TTC27: variants seen among roughly 807,000 people sequenced by gnomAD.
TTC27 encodes the protein tetratricopeptide repeat domain 27.
In TTC27, 79 loss-of-function variants were observed where a neutral mutation model predicts 115.9. The ratio of observed to expected loss-of-function variants is 0.68; its 90% CI spans 0.57 to 0.82. The LOEUF (loss-of-function observed/expected upper bound fraction) is 0.82, where lower values mean the gene tolerates loss of function less well. Among genes scored for constraint, TTC27 ranks in the 40% least tolerant of loss-of-function variants. The pLI, the probability that TTC27 is intolerant of heterozygous loss-of-function variation, is 0.00. For synonymous variants in TTC27, 401 were observed against 356.0 expected, an observed-to-expected ratio of 1.13 and a Z score of -1.42; for missense variants, 1,054 against 993.1, an observed-to-expected ratio of 1.06 and a Z score of -0.82.
intron 16 of TTC27, among the ~76,000 whole-genome samples, chr2:32,794,396 A>T (rs550612280): frequency 1.3e-5 from 2 of 152,336 alleles, no homozygotes; most frequent in African/African-American, 4.8e-5. Flanking sequence ...ATACTTAGAG[A>T]TGAATGAAAA....
intron 6 of TTC27, among the ~76,000 whole-genome samples, chr2:32,665,813 C>T (rs1166948780): frequency 3.9e-5 from 6 of 152,128 alleles, no homozygotes; most frequent in Non-Finnish European, 8.8e-5. Context: ...TTTGCTTGAA[C>T]CAGGGAGTCG....
chr2:32,809,736 A>T (rs1283245525), intron 16 of TTC27, among the ~76,000 whole-genome samples: 1 of 152,136 alleles, frequency 6.6e-6, no homozygotes, highest in Admixed American at 6.5e-5. Context: ...TTATAATATA[A>T]CCTGGTGCAG....
chr2:32,724,328 T>C (rs775498556), intron 10 of TTC27, among the ~76,000 whole-genome samples: 2 of 152,088 alleles, frequency 1.3e-5, no homozygotes, highest in South Asian at 2.1e-4. Context: ...CAGTGAGATA[T>C]TGTTTGCCTT....
chr2:32,728,405 A>G (rs1449838598), intron 10 of TTC27, among the ~76,000 whole-genome samples: 2 of 152,066 alleles, frequency 1.3e-5, no homozygotes, highest in South Asian at 2.1e-4. Context: ...AGGTTCTCCC[A>G]TCTCCCATTA....
intron 13 of TTC27, among the ~76,000 whole-genome samples, chr2:32,774,031 C>T (rs1419415869): frequency 1.3e-5 from 2 of 152,028 alleles, no homozygotes; most frequent in Non-Finnish European, 2.9e-5. Flanking sequence ...GTTGAATTCA[C>T]ATCTTTGAAT....
chr2:32,673,137 T>G, intron 8 of TTC27, among the ~76,000 whole-genome samples: 1 of 152,148 alleles, frequency 6.6e-6, no homozygotes, highest in East Asian at 1.9e-4. Context: ...TCTTGACACT[T>G]GAAATTTACA....
At chr2:32,723,127 A>G (rs13029809) in intron 10 of TTC27, among the ~76,000 whole-genome samples, 19,909 of 152,222 alleles carry the variant, frequency 0.13, 1,663 homozygotes, top group Middle Eastern at 0.28. Context: ...GAAGTAAAAT[A>G]TATTCGCTTA....
At chr2:32,797,173 CAAAAA>C (rs61136534) in intron 16 of TTC27, among the ~76,000 whole-genome samples, 1 of 80,526 alleles carries the variant, frequency 1.2e-5, no homozygotes, top group Middle Eastern at 7.0e-3. Flanking sequence ...AACTCTGTCT[CAAAAA>C]AAAAAAAAAA....
intron 13 of TTC27, among the ~76,000 whole-genome samples, chr2:32,767,476 A>G (rs1201045347): frequency 1.7e-5 from 2 of 116,352 alleles, no homozygotes; most frequent in African/African-American, 3.2e-5. Context: ...TTTTTGAGAC[A>G]GAGTCTCGCT....
chr2:32,789,921 C>CA (rs34859954), intron 16 of TTC27, among the ~76,000 whole-genome samples: 2,981 of 25,370 alleles, frequency 0.12, 248 homozygotes, highest in African/African-American at 0.18. Context: ...ACCCTGTCTC[C>CA]AAAAAAAAAA....
intron 9 of TTC27, among the ~76,000 whole-genome samples, chr2:32,696,111 G>A (rs1218950440): frequency 4.7e-5 from 7 of 147,442 alleles, no homozygotes; most frequent in Admixed American, 1.4e-4. Context: ...GTGACAGAGC[G>A]AGACTCTACC....
In TTC27 at chr2:32,756,001, GT is replaced by G. The variant is rs1489962232; in HGVS notation, c.1453-2288del. On this transcript the variant is annotated intron_variant, in intron 12 of 19. Transcript: ENST00000317907. The stretch of plus-strand genomic sequence containing the variant: ...TCATGGGATATCATGGACTACCAGT[GT>G]TTAACCCTCTTATGATCACTGCAGC... 5.9e-5 allele frequency among the ~76,000 whole-genome samples: 9 copies of G among 152,316 alleles called. No homozygotes were observed. In the East Asian group the frequency reaches 1.2e-3, roughly 20 times the overall value.
intron 5 of TTC27, among the ~76,000 whole-genome samples, chr2:32,661,221 C>A (rs1398896803): frequency 6.6e-6 from 1 of 152,082 alleles, no homozygotes; most frequent in Non-Finnish European, 1.5e-5. Context: ...CAGCTTTGTT[C>A]TTTTTGCTTA....
At chr2:32,692,598 A>G (rs1430920956) in intron 9 of TTC27, among the ~76,000 whole-genome samples, 1 of 152,196 alleles carries the variant, frequency 6.6e-6, no homozygotes, top group Non-Finnish European at 1.5e-5. Flanking sequence ...AAAAATTAAA[A>G]AGAGAAAAGC....
At chr2:32,650,572 C>G (rs1192492946) in intron 5 of TTC27, among the ~76,000 whole-genome samples, 2 of 151,818 alleles carry the variant, frequency 1.3e-5, no homozygotes, top group Non-Finnish European at 2.9e-5. Flanking sequence ...TCATTGGAAA[C>G]AGATGTACTC....
intron 12 of TTC27, among the ~76,000 whole-genome samples, chr2:32,747,641 A>G (rs193068972): frequency 2.0e-5 from 3 of 152,244 alleles, no homozygotes; most frequent in Admixed American, 6.5e-5. Context: ...CTTCTTTGCA[A>G]TGGTTGCAGA....
intron 14 of TTC27, chr2:32,780,137 CT>C (rs1399931463): frequency 2.2e-5 from 10 of 459,716 alleles, no homozygotes; most frequent in Non-Finnish European, 4.1e-5. Context: ...TTTGTTCTTC[CT>C]TTACAAGATA....
intron 9 of TTC27, among the ~76,000 whole-genome samples, chr2:32,692,156 T>C (rs1666841500): frequency 2.0e-5 from 3 of 146,446 alleles, no homozygotes; most frequent in Non-Finnish European, 3.0e-5. Flanking sequence ...GCTGGGATTA[T>C]AGGCGTGAGC....
At chr2:32,819,540 A>G (rs563221115) in intron 19 of TTC27, among the ~76,000 whole-genome samples, 6 of 152,306 alleles carry the variant, frequency 3.9e-5, no homozygotes, top group African/African-American at 1.4e-4. Flanking sequence ...GAGGATAACT[A>G]TGTTAAATTG....
Sources: gnomAD v4.1 joint callset for allele counts (sites outside exome capture counted in the v4.1 genomes callset) on GRCh38, gnomAD v4.1.1 for gene constraint, MANE v1.5 for transcripts, NCBI Gene and HGNC (gene_info 2026-07-23, HGNC 2026-07-21) for gene names.